The following IRAK1BP1 variants were observed in gnomAD, a reference collection of about 807,000 sequenced individuals.
The protein encoded by IRAK1BP1 is interleukin-1 receptor-associated kinase 1-binding protein 1.
IRAK1BP1 carries 24 observed loss-of-function variants against 28.0 expected under a neutral mutation model. The observed-to-expected ratio is 0.86, with a 90% CI of 0.62 to 1.20. The LOEUF is 1.20. IRAK1BP1 is among the 50% of genes most tolerant of loss of function. The pLI, the probability that IRAK1BP1 is intolerant of heterozygous loss-of-function variation, is 0.00. For synonymous variants in IRAK1BP1, 131 were observed against 116.3 expected, an observed-to-expected ratio of 1.13 and a Z score of -0.81; for missense variants, 336 against 316.7, an observed-to-expected ratio of 1.06 and a Z score of -0.46.
At chr6:78,968,089 C>A in the IRAK1BP1 span, among the ~76,000 whole-genome samples, 2 of 152,062 alleles carry the variant, frequency 1.3e-5, no homozygotes, top group African/African-American at 4.8e-5. Flanking sequence ...GAGCCAAGAT[C>A]ACGGCACTGC....
intron 4 of IRAK1BP1, chr6:78,945,382 T>G (rs199510464): frequency 6.2e-7 from 1 of 1,613,720 alleles, no homozygotes; most frequent in South Asian, 1.1e-5. Flanking sequence ...TGACTGGCTT[T>G]TCCTTTTCCA....
chr6:78,919,863 C>T (rs1242966705), intron 4 of IRAK1BP1, among the ~76,000 whole-genome samples: 1 of 152,076 alleles, frequency 6.6e-6, no homozygotes, highest in Admixed American at 6.6e-5. Context: ...CTGGAAAACA[C>T]ATAATGAAAA....
intron 1 of IRAK1BP1, among the ~76,000 whole-genome samples, chr6:78,883,041 G>C (rs562531331): frequency 6.6e-6 from 1 of 152,122 alleles, no homozygotes; most frequent in Non-Finnish European, 1.5e-5. Flanking sequence ...AGGATCACTT[G>C]AGGCCAGGAA....
chr6:78,880,115 T>A (rs1039922650), intron 1 of IRAK1BP1, among the ~76,000 whole-genome samples: 3 of 152,072 alleles, frequency 2.0e-5, no homozygotes, highest in Non-Finnish European at 4.4e-5. Flanking sequence ...AACACAAAAC[T>A]TCTAGAAAAA....
chr6:78,958,442 A>G, the IRAK1BP1 span: 29 of 1,239,456 alleles, frequency 2.3e-5, no homozygotes, highest in Non-Finnish European at 3.2e-5. Context: ...AATTATTAAA[A>G]CTATCATAAT....
intron 2 of IRAK1BP1, among the ~76,000 whole-genome samples, chr6:78,890,934 T>G (rs1771633341): frequency 6.6e-6 from 1 of 152,104 alleles, no homozygotes; most frequent in Non-Finnish European, 1.5e-5. Flanking sequence ...ATACAAGGTC[T>G]CAAAACATTT....
At chr6:78,892,344 C>G (rs1162113131) in intron 2 of IRAK1BP1, among the ~76,000 whole-genome samples, 1 of 152,114 alleles carries the variant, frequency 6.6e-6, no homozygotes, top group Non-Finnish European at 1.5e-5. Flanking sequence ...ATAACACATG[C>G]AAGACTGAAT....
At chr6:78,967,169 T>A in the IRAK1BP1 span, among the ~76,000 whole-genome samples, 2 of 152,124 alleles carry the variant, frequency 1.3e-5, no homozygotes, top group South Asian at 4.1e-4. Context: ...AATTAAAAAT[T>A]AGAAAAACAA....
At chr6:78,871,922 T>C (rs984729593) in intron 1 of IRAK1BP1, 1 of 516,794 alleles carries the variant, frequency 1.9e-6, no homozygotes, top group African/African-American at 2.0e-5. Context: ...TCTGACAACA[T>C]TTGTAAATTC....
chr6:78,874,586 A>T (rs1351613210), intron 1 of IRAK1BP1, among the ~76,000 whole-genome samples: 1 of 152,158 alleles, frequency 6.6e-6, no homozygotes, highest in African/African-American at 2.4e-5. Context: ...TTCTGAAAAA[A>T]ATTCCCTGTC....
chr6:78,893,314 G>GTATATGTATA (rs1771742492), intron 2 of IRAK1BP1, among the ~76,000 whole-genome samples: 1 of 103,432 alleles, frequency 9.7e-6, no homozygotes, highest in Non-Finnish European at 1.9e-5. Flanking sequence ...GTGTGTGTGT[G>GTATATGTATA]TATATATATA....
At chr6:78,963,001 T>C in the IRAK1BP1 span, 1 of 1,054,170 alleles carries the variant, frequency 9.5e-7, no homozygotes, top group Non-Finnish European at 1.4e-6. Context: ...TGACTTAGGA[T>C]ATTGTGAAAA....
chr6:78,954,717 A>G, the IRAK1BP1 span: 1 of 747,610 alleles, frequency 1.3e-6, no homozygotes, highest in Non-Finnish European at 2.1e-6. Flanking sequence ...ATAAAGAAAT[A>G]AACTATAATC....
chr6:78,925,465 G>A (rs1772862492), intron 4 of IRAK1BP1, among the ~76,000 whole-genome samples: 1 of 152,136 alleles, frequency 6.6e-6, no homozygotes, highest in Non-Finnish European at 1.5e-5. Context: ...TTAGAGGAAT[G>A]CAAATCAAAA....
At position 78,923,186 on chromosome 6, in the gene IRAK1BP1, G is replaced by C. The variant is rs555861945; in HGVS notation, c.*67+20076G>C. Among the ~76,000 whole-genome samples, 18 of 152,112 alleles carry C rather than the reference G, an allele frequency of 1.2e-4. 1 individual carries two copies. The South Asian group carries it at 1.9e-3, about 16-fold the overall frequency. On this transcript the variant is annotated intron_variant and NMD_transcript_variant, in intron 4 of 4. Transcript: ENST00000606868. ...GCTGTATTCAGGAAACCCATCTCAT[G>C]TGCAGAGACACACATAGGCTCAAAA...
chr6:78,916,888 G>A (rs1327212231), intron 4 of IRAK1BP1, among the ~76,000 whole-genome samples: 1 of 152,036 alleles, frequency 6.6e-6, no homozygotes, highest in African/African-American at 2.4e-5. Flanking sequence ...AGGTTGCAGT[G>A]AGACAGGAAT....
At chr6:78,949,071 A>C (rs1773991489), downstream of IRAK1BP1, among the ~76,000 whole-genome samples, 2 of 152,142 alleles carry the variant, frequency 1.3e-5, no homozygotes, top group Non-Finnish European at 2.9e-5. Context: ...CCTAATTCTT[A>C]GGGGGAAAGC....
downstream of IRAK1BP1, chr6:78,947,486 C>CT: frequency 1.9e-6 from 1 of 539,434 alleles, no homozygotes; most frequent in Non-Finnish European, 3.3e-6. Context: ...GGTATAATTT[C>CT]TTTTTCCAGT....
chr6:78,871,808 G>T, intron 1 of IRAK1BP1: 1 of 381,136 alleles, frequency 2.6e-6, no homozygotes, highest in Non-Finnish European at 4.6e-6. Flanking sequence ...TCTTGACAGT[G>T]GATAATTGAG....
Sources: gnomAD v4.1 joint callset for allele counts (sites outside exome capture counted in the v4.1 genomes callset) on GRCh38, gnomAD v4.1.1 for gene constraint, MANE v1.5 for transcripts, NCBI Gene and HGNC (gene_info 2026-07-23, HGNC 2026-07-21) for gene names.